The following COL26A1 variants were observed in gnomAD, a reference collection of about 807,000 sequenced individuals.
COL26A1 encodes collagen alpha-1(XXVI) chain.
COL26A1 carries 41 observed loss-of-function variants against 59.3 expected under a neutral mutation model. That is an observed-to-expected ratio of 0.69 (90% CI 0.54 to 0.90). The LOEUF is 0.90. COL26A1 is among the 40% of genes least tolerant of loss of function. The pLI is 0.00. For missense variants in COL26A1, 612 were observed against 602.3 expected, an observed-to-expected ratio of 1.02 and a Z score of -0.17; for synonymous variants, 266 against 256.0, an observed-to-expected ratio of 1.04 and a Z score of -0.37.
intron 3 of COL26A1, among the ~76,000 whole-genome samples, chr7:101,459,573 A>G (rs11764882): frequency 0.44 from 66,356 of 150,758 alleles, 15,374 homozygotes; most frequent in Middle Eastern, 0.54. Context: ...CTCCCAAAGC[A>G]TTGGGATTAC....
chr7:101,484,573 G>T (rs1206990891), intron 3 of COL26A1, among the ~76,000 whole-genome samples: 1 of 151,626 alleles, frequency 6.6e-6, no homozygotes, highest in African/African-American at 2.4e-5. Context: ...GTTTCACCAT[G>T]TTGGTCAGGC....
Position 101,489,696 on chromosome 7 carries a change from TCTG to T in COL26A1, c.385+41910_385+41912del. On this transcript the variant is annotated intron_variant, in intron 3 of 12. Coordinates refer to ENST00000313669, the MANE Select transcript of COL26A1 (RefSeq NM_001278563.3). ...TCCTTCCTTCCTTTCTTTCTTTCTT[TCTG>T]TCTTTCTTTCTTTCATTCTTTCTTT... 9.1e-4 allele frequency among the ~76,000 whole-genome samples: 21 copies of T among 23,136 alleles called. 7 individuals are homozygous for T. The highest frequency in any genetic ancestry group is 2.9e-3 in the African/African-American group (21 of 7,316). 15.2% of individuals were successfully genotyped at this position (23,136 alleles called of 152,430 possible).
Position 101,363,023 on chromosome 7 carries a change from G to A in COL26A1, c.-10G>A. The A allele has an allele frequency of 6.4e-7, 1 of 1,571,786 alleles. No individual in the cohort carries two copies. Among genetic ancestry groups the A allele is most frequent in the Middle Eastern group, 2.1e-4 (1 of 4,660 alleles). The stretch of plus-strand genomic sequence containing the variant: ...CCGGGACTCCGGGTCCCCGCGGGCT[G>A]CTGCGCACGATGAAGCTGGCCCTGC... On this transcript the variant is annotated 5_prime_UTR_variant, in exon 1 of 13. Transcript: ENST00000313669.
intron 3 of COL26A1, among the ~76,000 whole-genome samples, chr7:101,523,268 T>G (rs1327276521): frequency 6.6e-6 from 1 of 151,834 alleles, no homozygotes; most frequent in Non-Finnish European, 1.5e-5. Context: ...GAGGTTTCAC[T>G]ATGTTGGCCA....
chr7:101,523,121 G>A (rs933842397), intron 3 of COL26A1, among the ~76,000 whole-genome samples: 5 of 150,976 alleles, frequency 3.3e-5, no homozygotes, highest in Non-Finnish European at 5.9e-5. Flanking sequence ...CCAGTCTGGA[G>A]TGCAATGGCA....
At chr7:101,499,757 G>A (rs908991573) in intron 3 of COL26A1, among the ~76,000 whole-genome samples, 1 of 151,350 alleles carries the variant, frequency 6.6e-6, no homozygotes, top group African/African-American at 2.4e-5. Context: ...CATACCTGTG[G>A]TCCTAGCTAA....
At chr7:101,555,501 G>T (rs1418515370) in intron 11 of COL26A1, among the ~76,000 whole-genome samples, 1 of 152,188 alleles carries the variant, frequency 6.6e-6, no homozygotes, top group Non-Finnish European at 1.5e-5. Context: ...AGGCTGACAG[G>T]TGTGGATCTG....
At chr7:101,466,221 C>A (rs1217019030) in intron 3 of COL26A1, among the ~76,000 whole-genome samples, 2 of 152,094 alleles carry the variant, frequency 1.3e-5, no homozygotes, top group Non-Finnish European at 2.9e-5. Context: ...GTCTGAACCT[C>A]CATTTGCTCA....
intron 3 of COL26A1, among the ~76,000 whole-genome samples, chr7:101,462,148 C>T (rs1436223697): frequency 2.7e-5 from 4 of 149,806 alleles, no homozygotes; most frequent in South Asian, 2.1e-4. Flanking sequence ...TACAGGTGCC[C>T]GCCTCCACGC....
At chr7:101,369,196 C>G (rs2117001783) in intron 1 of COL26A1, among the ~76,000 whole-genome samples, 1 of 152,124 alleles carries the variant, frequency 6.6e-6, no homozygotes, top group Admixed American at 6.6e-5. Context: ...CGCTTGAGGT[C>G]AGGAGTTCGA....
intron 3 of COL26A1, among the ~76,000 whole-genome samples, chr7:101,527,810 G>A (rs538164649): frequency 5.9e-5 from 9 of 152,150 alleles, no homozygotes; most frequent in East Asian, 3.9e-4. Flanking sequence ...GTGTGTTCTC[G>A]GAGGGGCCAG....
At chr7:101,386,111 G>A (rs1364229885) in intron 1 of COL26A1, among the ~76,000 whole-genome samples, 3 of 152,192 alleles carry the variant, frequency 2.0e-5, no homozygotes, top group African/African-American at 7.2e-5. Context: ...CTTTTTTGCA[G>A]AGGATGTCCG....
intron 4 of COL26A1, 83 bp from the exon 5 acceptor site, chr7:101,539,810 G>A (rs1795568797): frequency 3.6e-6 from 5 of 1,372,698 alleles, no homozygotes; most frequent in Non-Finnish European, 5.0e-6. Context: ...CTCATGGGGT[G>A]CACATGCATG....
chr7:101,413,512 T>TC (rs1792292685), intron 1 of COL26A1, among the ~76,000 whole-genome samples: 1 of 127,346 alleles, frequency 7.9e-6, no homozygotes, highest in Non-Finnish European at 1.8e-5. Flanking sequence ...AGAGTAAAAC[T>TC]CCATCTCAAG....
chr7:101,473,056 G>A (rs1166131538), intron 3 of COL26A1, among the ~76,000 whole-genome samples: 3 of 151,756 alleles, frequency 2.0e-5, no homozygotes, highest in Admixed American at 6.6e-5. Flanking sequence ...ACTGGTTTAT[G>A]AGCTGACTAT....
rs534104782 is a variant in COL26A1, at chr7:101,402,232, C to T, written c.159-17745C>T. On this transcript the variant is annotated intron_variant, in intron 1 of 12. Transcript: ENST00000313669. ...TCGCTGGGCTGTGATGTGATCGTGT[C>T]GGATGCCAAATTCCACAGTCAGTCC... Among the ~76,000 whole-genome samples, 173 of 152,220 alleles carry T rather than the reference C, an allele frequency of 1.1e-3. 1 individual carries two copies. The highest frequency in any genetic ancestry group is 3.9e-3 in the African/African-American group (163 of 41,528).
rs1562947812 is a variant in COL26A1, at chr7:101,363,118, C to A, written c.86C>A (p.Ala29Asp). The change falls in exon 1 of 13, where the codon GCC (alanine) becomes GAC (aspartate). Residue 29 changes from alanine to aspartate, a missense_variant. Coordinates refer to ENST00000313669, the MANE Select transcript of COL26A1 (RefSeq NM_001278563.3). ...LATGFLYPFS[A>D]AALQQHGYPE... is the part of the protein sequence containing the mutation. ...ACCGGCTTCCTCTATCCCTTCTCGG[C>A]CGCAGCTCTGCAGCAGCACGGCTAC... is the stretch of plus-strand genomic sequence containing the variant. 2 of 1,543,818 alleles carry A rather than the reference C, an allele frequency of 1.3e-6. No individual in the cohort carries two copies. The highest frequency in any genetic ancestry group is 1.7e-6 in the Non-Finnish European group (2 of 1,153,560).
At chr7:101,493,790 G>A (rs1041684875) in intron 3 of COL26A1, among the ~76,000 whole-genome samples, 15 of 145,684 alleles carry the variant, frequency 1.0e-4, no homozygotes, top group Admixed American at 2.7e-4. Context: ...AAAATTAGCC[G>A]GGCGTGGTGG....
chr7:101,496,531 T>A (rs979366026), intron 3 of COL26A1, among the ~76,000 whole-genome samples: 3 of 152,100 alleles, frequency 2.0e-5, no homozygotes, highest in African/African-American at 7.2e-5. Context: ...AGAAGCTGTG[T>A]TCTACGCTCA....
Sources: allele counts gnomAD v4.1 joint callset (sites outside exome capture counted in the v4.1 genomes callset), GRCh38; gene constraint gnomAD v4.1.1; transcripts MANE v1.5; gene names NCBI Gene and HGNC (gene_info 2026-07-23, HGNC 2026-07-21).